The following CMSS1 variants were observed in gnomAD, a reference collection of about 807,000 sequenced individuals.
The protein encoded by CMSS1 is protein CMSS1.
CMSS1 carries 33 observed loss-of-function variants against 43.5 expected under a neutral mutation model. The observed-to-expected ratio is 0.76, with a 90% CI of 0.57 to 1.01. The LOEUF is 1.01. Among genes scored for constraint, CMSS1 ranks in the 50% least tolerant of loss-of-function variants. The pLI, the probability that CMSS1 is intolerant of heterozygous loss-of-function variation, is 0.00. For missense variants in CMSS1, 313 were observed against 326.4 expected, an observed-to-expected ratio of 0.96 and a Z score of 0.32; for synonymous variants, 115 against 117.2, an observed-to-expected ratio of 0.98 and a Z score of 0.12.
intron 1 of CMSS1, among the ~76,000 whole-genome samples, chr3:99,833,931 A>G (rs560976666): frequency 6.6e-6 from 1 of 152,392 alleles, no homozygotes; most frequent in African/African-American, 2.4e-5. Flanking sequence ...ATGGGAAAGT[A>G]TATAAGCAAT....
At chr3:100,169,418 C>T (rs2067091335) in intron 6 of CMSS1, among the ~76,000 whole-genome samples, 1 of 152,064 alleles carries the variant, frequency 6.6e-6, no homozygotes, top group Admixed American at 6.6e-5. Flanking sequence ...TGACAGGAGA[C>T]AAAACAAAGG....
chr3:100,171,489 G>A (rs913767876), intron 6 of CMSS1, among the ~76,000 whole-genome samples: 2 of 152,046 alleles, frequency 1.3e-5, no homozygotes, highest in Non-Finnish European at 2.9e-5. Context: ...TATGAGAACT[G>A]CACTGCATAG....
intron 1 of CMSS1, among the ~76,000 whole-genome samples, chr3:99,923,760 C>G (rs1258253904): frequency 6.6e-6 from 1 of 152,168 alleles, no homozygotes; most frequent in Non-Finnish European, 1.5e-5. Context: ...CCATTTGCTC[C>G]TTCAGGCCAA....
intron 1 of CMSS1, among the ~76,000 whole-genome samples, chr3:100,144,781 T>C (rs925701594): frequency 3.9e-5 from 6 of 152,234 alleles, no homozygotes; most frequent in Non-Finnish European, 7.3e-5. Context: ...TTGGCTTCCA[T>C]TGGCATTTCC....
chr3:100,156,113 T>C (rs893587597), intron 2 of CMSS1, among the ~76,000 whole-genome samples: 4 of 151,902 alleles, frequency 2.6e-5, no homozygotes, highest in Admixed American at 6.6e-5. Context: ...TATTTTGTCA[T>C]GTTTTATGTC....
intron 5 of CMSS1, among the ~76,000 whole-genome samples, chr3:100,166,842 G>A (rs916597624): frequency 2.0e-5 from 3 of 152,044 alleles, no homozygotes; most frequent in African/African-American, 7.2e-5. Context: ...GGGCTCTAGC[G>A]ATCCTCCTGT....
At chr3:100,139,165 G>T (rs540789644) in intron 1 of CMSS1, among the ~76,000 whole-genome samples, 6 of 152,048 alleles carry the variant, frequency 3.9e-5, no homozygotes, top group Admixed American at 2.0e-4. Context: ...CACAGGGAGG[G>T]GACCATCACA....
intron 1 of CMSS1, among the ~76,000 whole-genome samples, chr3:100,044,646 ATCTTGG>A (rs2065252256): frequency 6.6e-6 from 1 of 152,226 alleles, no homozygotes; most frequent in South Asian, 2.1e-4. Flanking sequence ...ACTGGCAAGA[ATCTTGG>A]TCTTTTCTAA....
At chr3:100,006,543 G>A (rs913323303) in intron 1 of CMSS1, among the ~76,000 whole-genome samples, 2 of 151,864 alleles carry the variant, frequency 1.3e-5, no homozygotes, top group Admixed American at 6.6e-5. Flanking sequence ...TAGTCATGAA[G>A]GCTATCATTC....
At chr3:99,848,774 T>G in intron 1 of CMSS1, 1 of 1,614,160 alleles carries the variant, frequency 6.2e-7, no homozygotes, top group East Asian at 2.2e-5. Context: ...TGTTCTAAAT[T>G]CATGAGGTCT....
chr3:100,117,854 CATAT>C (rs58609128), intron 1 of CMSS1, among the ~76,000 whole-genome samples: 8,850 of 90,680 alleles, frequency 0.098, 471 homozygotes, highest in East Asian at 0.18. Context: ...TATATATATA[CATAT>C]ATATATATAT....
At chr3:99,951,689 C>T (rs1708182447) in intron 1 of CMSS1, among the ~76,000 whole-genome samples, 1 of 152,208 alleles carries the variant, frequency 6.6e-6, no homozygotes, top group African/African-American at 2.4e-5. Context: ...TATGTCTCTT[C>T]CCTAATGACA....
chr3:99,848,147 T>A, intron 1 of CMSS1: 1 of 1,514,894 alleles, frequency 6.6e-7, no homozygotes, highest in Non-Finnish European at 8.8e-7. Flanking sequence ...GATACTCTTG[T>A]ATAGTTCATG....
chr3:99,840,632 C>T (rs912608020), intron 1 of CMSS1, among the ~76,000 whole-genome samples: 5 of 152,122 alleles, frequency 3.3e-5, no homozygotes, highest in African/African-American at 1.2e-4. Flanking sequence ...AGGTTGTTGG[C>T]TTATTTATGC....
Position 99,991,281 on chromosome 3 carries a change from G to A in CMSS1, c.65-155692G>A, listed in dbSNP as rs538757576. On this transcript the variant is annotated intron_variant, in intron 1 of 9. Transcript: ENST00000421999. ...TGGCTGATCTACCTGTTTGTGAAGT[G>A]TGAGGCCTACCTGCAGGGGCACACA... Among the ~76,000 whole-genome samples, 49 of 152,284 alleles carry A rather than the reference G, an allele frequency of 3.2e-4. No homozygotes were observed. In the South Asian group the frequency reaches 1.0e-2, roughly 31 times the overall value.
At chr3:99,871,537 A>C (rs532824449) in intron 1 of CMSS1, among the ~76,000 whole-genome samples, 1 of 152,322 alleles carries the variant, frequency 6.6e-6, no homozygotes, top group East Asian at 1.9e-4. Context: ...CACAGTGCAC[A>C]GTTTGAAGGA....
intron 1 of CMSS1, chr3:99,833,155 G>T: frequency 3.8e-6 from 5 of 1,327,952 alleles, no homozygotes; most frequent in South Asian, 3.7e-5. Flanking sequence ...AGAAGAAAAC[G>T]ATTTTTTAAT....
chr3:99,994,986 C>A (rs1286197461), intron 1 of CMSS1, among the ~76,000 whole-genome samples: 1 of 152,082 alleles, frequency 6.6e-6, no homozygotes, highest in Non-Finnish European at 1.5e-5. Flanking sequence ...ATCATTCCAC[C>A]CCTGGCCCCT....
intron 1 of CMSS1, among the ~76,000 whole-genome samples, chr3:99,899,570 G>C (rs1477841413): frequency 3.9e-5 from 6 of 152,076 alleles, no homozygotes; most frequent in Non-Finnish European, 8.8e-5. Flanking sequence ...CTTTTTTCTA[G>C]CAGTTTCCTA....
Sources: allele counts gnomAD v4.1 joint callset (sites outside exome capture counted in the v4.1 genomes callset), GRCh38; gene constraint gnomAD v4.1.1; transcripts MANE v1.5; gene names NCBI Gene and HGNC (gene_info 2026-07-23, HGNC 2026-07-21).